The following AKAP1 variants were observed in gnomAD, a reference collection of about 807,000 sequenced individuals.
AKAP1 encodes A-kinase anchoring protein 1, also known as A-kinase anchor protein 1, mitochondrial.
A neutral mutation model predicts 79.8 loss-of-function variants in AKAP1; 32 were observed. That is an observed-to-expected ratio of 0.40 (90% CI 0.30 to 0.54). The LOEUF (loss-of-function observed/expected upper bound fraction) is 0.54. Ranked by LOEUF, AKAP1 falls within the 20% of genes least tolerant of loss-of-function variation. The pLI is 0.47. For synonymous variants in AKAP1, 416 were observed against 466.7 expected, an observed-to-expected ratio of 0.89 and a Z score of 1.40; for missense variants, 961 against 1,138.9, an observed-to-expected ratio of 0.84 and a Z score of 2.25.
intron 1 of AKAP1, among the ~76,000 whole-genome samples, chr17:57,087,067 G>A (rs2144608886): frequency 6.6e-6 from 1 of 152,294 alleles, no homozygotes; most frequent in South Asian, 2.1e-4. Context: ...TGTAGGTTCT[G>A]CATAATTCTT....
chr17:57,096,184 G>C (rs1914102129), intron 1 of AKAP1: 1 of 152,256 alleles, frequency 6.6e-6, no homozygotes, highest in East Asian at 1.9e-4. Flanking sequence ...CTTTTAGTTG[G>C]GCTGGCGGAG....
At chr17:57,110,886 T>C (rs904257242) in intron 3 of AKAP1, among the ~76,000 whole-genome samples, 2 of 152,186 alleles carry the variant, frequency 1.3e-5, no homozygotes, top group Non-Finnish European at 2.9e-5. Flanking sequence ...ATTAGCTTGA[T>C]CTTGATGTTT....
Position 57,120,503 on chromosome 17 carries a change from G to C in AKAP1, c.*179G>C. ...CTGAGAAAAAAGGATGGAACTATGG[G>C]TTCTCTTCGCAAAGCCAAAGGATAG... On this transcript the variant is annotated 3_prime_UTR_variant, in exon 11 of 11. Coordinates refer to ENST00000337714, the MANE Select transcript of AKAP1 (RefSeq NM_003488.4). 1.9e-6 allele frequency: 1 copy of C among 539,672 alleles called. No homozygotes were observed. The highest frequency in any genetic ancestry group is 3.2e-6 in the Non-Finnish European group (1 of 311,676). The allele number at this position is 539,672 out of a possible 1,614,324, so 33.4% of individuals were successfully genotyped here. A position where few individuals can be genotyped will look rare whatever the true frequency, so the allele number is the denominator to read the frequency against.
At chr17:57,118,681 C>T (rs549488282) in intron 9 of AKAP1, among the ~76,000 whole-genome samples, 5 of 152,230 alleles carry the variant, frequency 3.3e-5, no homozygotes, top group South Asian at 2.1e-4. Context: ...CACAATTCTG[C>T]GGGCCTGGGG....
At chr17:57,108,068 G>C (rs1423026547) in intron 2 of AKAP1, 1 of 1,160,482 alleles carries the variant, frequency 8.6e-7, no homozygotes, top group African/African-American at 1.7e-5. Context: ...TCCTGACCCT[G>C]CTTCTGCAGG....
intron 1 of AKAP1, chr17:57,095,537 GC>G (rs1914057483): frequency 6.8e-6 from 1 of 147,896 alleles, no homozygotes; most frequent in African/African-American, 2.5e-5. Context: ...CGAGGGCAGT[GC>G]CTTGCCTGAT....
At position 57,100,433 on chromosome 17, in the gene AKAP1, ACACACACACACACG is replaced by A. The variant is rs796144996; in HGVS notation, c.-24-4994_-24-4981del. ...TGAAACTCCATCTCTGCTAAAACAC[ACACACACACACACG>A]CACACACACACACACAAACATTAGC... On this transcript the variant is annotated intron_variant, in intron 1 of 10. Coordinates refer to ENST00000337714, the MANE Select transcript of AKAP1 (RefSeq NM_003488.4). 4.6e-3 allele frequency among the ~76,000 whole-genome samples: 686 copies of A among 149,420 alleles called. 16 individuals are homozygous for A. The highest frequency in any genetic ancestry group is 0.021 in the Admixed American group (309 of 15,016).
In AKAP1 at chr17:57,114,456, C is replaced by A. The variant is rs1445218642; in HGVS notation, c.2104-3C>A. 1 of 1,613,878 alleles carries A rather than the reference C, an allele frequency of 6.2e-7. No individual in the cohort carries two copies. The highest frequency in any genetic ancestry group is 1.1e-5 in the South Asian group (1 of 91,082). The stretch of plus-strand genomic sequence containing the variant: ...AGTGACCGCTCCCCCTTCCCCTCTA[C>A]AGCTCATGCTGCCTGATGGCATCAC... On this transcript the variant is annotated splice_polypyrimidine_tract_variant and splice_region_variant and intron_variant, in intron 5 of 10. Transcript: ENST00000337714.
Position 57,120,680 on chromosome 17 carries a change from A to C in AKAP1, c.*356A>C. ...CTCCTTCCCCGGCAAAAACCAAACA[A>C]ACTGGCAGACAGGCCAGGGATGTAT... is the stretch of plus-strand genomic sequence containing the variant. On this transcript the variant is annotated 3_prime_UTR_variant, in exon 11 of 11. Transcript: ENST00000337714. 1 of 192,028 alleles carries C rather than the reference A, an allele frequency of 5.2e-6. No individual in the cohort carries two copies. The allele number at this position is 192,028 out of a possible 1,614,324, so 11.9% of individuals were successfully genotyped here.
In AKAP1 at chr17:57,086,907, G is replaced by T. The variant is rs1339094787; in HGVS notation, c.-25+1509G>T. ...ATCTTTGAAATGAAGAAGGCTGCCT[G>T]ACTTGATCATTTATATAATTCCTCT... On this transcript the variant is annotated intron_variant, in intron 1 of 10. Coordinates refer to ENST00000337714, the MANE Select transcript of AKAP1 (RefSeq NM_003488.4). The surrounding 1 kb of genome is among the most constrained non-coding windows in gnomAD (Gnocchi z 5.1). Among the ~76,000 whole-genome samples, 1 of 152,000 alleles carries T rather than the reference G, an allele frequency of 6.6e-6. No individual in the cohort carries two copies. Among genetic ancestry groups the T allele is most frequent in the African/African-American group, 2.4e-5 (1 of 41,372 alleles).
In AKAP1 at chr17:57,106,145, A is replaced by G; in HGVS notation, c.681A>G (p.Glu227=). The change falls in exon 2 of 11, where the codon GAA becomes GAG. Residue 227 remains glutamate, a synonymous_variant. Coordinates refer to ENST00000337714, the MANE Select transcript of AKAP1 (RefSeq NM_003488.4). ...EALLSREHVL[E]LENSKGPSLA... ...TGTTGTCTCGGGAGCATGTCTTGGA[A>G]TTGGAGAACAGCAAGGGCCCCAGCC... is the stretch of plus-strand genomic sequence containing the variant. 1 of 1,609,942 alleles carries G rather than the reference A, an allele frequency of 6.2e-7. No individual in the cohort carries two copies. Among genetic ancestry groups the G allele is most frequent in the Non-Finnish European group, 8.5e-7 (1 of 1,177,312 alleles).
intron 1 of AKAP1, among the ~76,000 whole-genome samples, chr17:57,088,801 C>G (rs1388995746): frequency 2.6e-5 from 4 of 152,208 alleles, no homozygotes; most frequent in Admixed American, 2.6e-4. Flanking sequence ...TGTCCACATT[C>G]TGTCCGGGTC....
intron 1 of AKAP1, among the ~76,000 whole-genome samples, chr17:57,097,217 G>A (rs1305814054): frequency 6.7e-6 from 1 of 148,624 alleles, no homozygotes; most frequent in African/African-American, 2.5e-5. Context: ...ACCCACTGCA[G>A]CCTAAGGAAA....
intron 1 of AKAP1, among the ~76,000 whole-genome samples, chr17:57,104,941 C>T (rs1914748875): frequency 6.6e-6 from 1 of 152,196 alleles, no homozygotes; most frequent in Non-Finnish European, 1.5e-5. Flanking sequence ...CTCACTGTCT[C>T]TAATTGCTGA....
chr17:57,086,680 G>T lies in AKAP1; in HGVS notation c.-25+1282G>T. 1 of 314,066 alleles carries T rather than the reference G, an allele frequency of 3.2e-6. No homozygotes were observed. Among genetic ancestry groups the T allele is most frequent in the Non-Finnish European group, 6.3e-6 (1 of 159,108 alleles). The allele number at this position is 314,066 out of a possible 1,614,324, so 19.5% of individuals were successfully genotyped here. The stretch of plus-strand genomic sequence containing the variant: ...AGTGAAATCTAGGCTGCTGGACCTG[G>T]TGCAACAGTATCTGTTAGTTACTGA... On this transcript the variant is annotated intron_variant, in intron 1 of 10. Transcript: ENST00000337714. The surrounding 1 kb of genome is among the most constrained non-coding windows in gnomAD (Gnocchi z 5.1).
chr17:57,093,408 C>T (rs961262290), intron 1 of AKAP1: 1 of 152,188 alleles, frequency 6.6e-6, no homozygotes, highest in Admixed American at 6.5e-5. Context: ...CCTGAGAGGT[C>T]CAGCCATCTG....
At chr17:57,090,221 T>C (rs1230761261) in intron 1 of AKAP1, among the ~76,000 whole-genome samples, 1 of 152,164 alleles carries the variant, frequency 6.6e-6, no homozygotes, top group Non-Finnish European at 1.5e-5. Flanking sequence ...CCCTGCTAGA[T>C]TGACCTTTGG....
chr17:57,103,389 C>G (rs1029239381), intron 1 of AKAP1, among the ~76,000 whole-genome samples: 2 of 152,190 alleles, frequency 1.3e-5, no homozygotes, highest in Non-Finnish European at 2.9e-5. Context: ...TGTTAAAATG[C>G]AAGTCTGAGG....
At chr17:57,100,748 C>T (rs1402514980) in intron 1 of AKAP1, among the ~76,000 whole-genome samples, 1 of 152,246 alleles carries the variant, frequency 6.6e-6, no homozygotes, top group African/African-American at 2.4e-5. Flanking sequence ...GCCACGGGCA[C>T]ACTCCCCTAT....
Sources: gnomAD v4.1 joint callset for allele counts (sites outside exome capture counted in the v4.1 genomes callset) on GRCh38, gnomAD v4.1.1 for gene constraint, Gnocchi (gnomAD v3.1) non-coding constraint, MANE v1.5 for transcripts, NCBI Gene and HGNC (gene_info 2026-07-23, HGNC 2026-07-21) for gene names.